Variants in GALNT13 observed in about 807,000 individuals in gnomAD.
GALNT13 encodes UDP-GalNAc:polypeptide N-acetylgalactosaminyltransferase 13.
A neutral mutation model predicts 64.2 loss-of-function variants in GALNT13; 28 were observed. That is an observed-to-expected ratio of 0.44 (90% CI 0.32 to 0.60). The LOEUF (loss-of-function observed/expected upper bound fraction) is 0.60, where lower values mean the gene tolerates loss of function less well. GALNT13 is among the 20% of genes least tolerant of loss of function. The probability of loss-of-function intolerance (pLI) is 0.05; values close to 1 mark genes in which losing one functional copy is unlikely to be tolerated. For synonymous variants in GALNT13, 214 were observed against 224.6 expected (o/e 0.95, Z 0.42); for missense variants, 577 against 669.8 (o/e 0.86, Z 1.53).
At chr2:153,235,805 A>G in the GALNT13 span, among the ~76,000 whole-genome samples, 10 of 152,252 alleles carry the variant, frequency 6.6e-5, no homozygotes, top group Non-Finnish European at 1.2e-4. Context: ...AACCAACCTC[A>G]TAAGTACTCA....
At chr2:153,953,082 C>T (rs1822768) in intron 3 of GALNT13, among the ~76,000 whole-genome samples, 117,429 of 151,954 alleles carry the variant, frequency 0.77, 45,785 homozygotes, top group East Asian at 0.96. Flanking sequence ...CTTTTGGCAA[C>T]ACACACACAC....
the GALNT13 span, among the ~76,000 whole-genome samples, chr2:153,598,999 C>T: frequency 6.6e-6 from 1 of 151,966 alleles, no homozygotes; most frequent in East Asian, 1.9e-4. Flanking sequence ...CTAAACATGT[C>T]TTTTTGAATA....
chr2:154,207,877 A>G (rs1252869306), intron 4 of GALNT13, among the ~76,000 whole-genome samples: 1 of 152,170 alleles, frequency 6.6e-6, no homozygotes, highest in Non-Finnish European at 1.5e-5. Flanking sequence ...CTCAGAGAGC[A>G]TAGTATTAGA....
intron 9 of GALNT13, among the ~76,000 whole-genome samples, chr2:154,326,458 GT>G (rs1302675325): frequency 6.6e-6 from 1 of 151,908 alleles, no homozygotes; most frequent in Non-Finnish European, 1.5e-5. Flanking sequence ...ACTTGTTGAT[GT>G]GAAATCCAAA....
intron 9 of GALNT13, among the ~76,000 whole-genome samples, chr2:154,391,566 G>A (rs886076438): frequency 2.0e-5 from 3 of 152,114 alleles, no homozygotes; most frequent in Admixed American, 6.6e-5. Flanking sequence ...AAGTGGGAGT[G>A]GTTTCCCAGA....
At chr2:153,221,613 C>T in the GALNT13 span, among the ~76,000 whole-genome samples, 3 of 152,212 alleles carry the variant, frequency 2.0e-5, no homozygotes, top group African/African-American at 7.2e-5. Context: ...TCTGCCCACT[C>T]AGCCAGGCAG....
chr2:153,100,610 C>CT, the GALNT13 span, among the ~76,000 whole-genome samples: 2 of 152,150 alleles, frequency 1.3e-5, no homozygotes, highest in African/African-American at 4.8e-5. Context: ...AGAGTCTCTT[C>CT]TTTGCTCACC....
At chr2:154,054,908 A>G (rs1051766101) in intron 3 of GALNT13, among the ~76,000 whole-genome samples, 1 of 152,028 alleles carries the variant, frequency 6.6e-6, no homozygotes, top group African/African-American at 2.4e-5. Context: ...GTTCTGTATG[A>G]TGTCAGTGGG....
chr2:154,191,727 C>G (rs886520570), intron 4 of GALNT13, among the ~76,000 whole-genome samples: 1 of 152,128 alleles, frequency 6.6e-6, no homozygotes, highest in Non-Finnish European at 1.5e-5. Context: ...CTCAAAACCC[C>G]TTGGGAGAGC....
At chr2:153,603,919 G>C in the GALNT13 span, among the ~76,000 whole-genome samples, 2 of 152,102 alleles carry the variant, frequency 1.3e-5, no homozygotes, top group Admixed American at 1.3e-4. Context: ...TATGTTTTCT[G>C]TGTGTATGTC....
chr2:154,189,781 A>G (rs1016717046), intron 4 of GALNT13, among the ~76,000 whole-genome samples: 1 of 152,104 alleles, frequency 6.6e-6, no homozygotes, highest in African/African-American at 2.4e-5. Context: ...ATCCACTCCT[A>G]CTATGGTGGA....
chr2:153,590,152 G>T, the GALNT13 span, among the ~76,000 whole-genome samples: 2 of 152,070 alleles, frequency 1.3e-5, no homozygotes, highest in Admixed American at 1.3e-4. Context: ...ATAAAAAGGA[G>T]GCATTACAAT....
chr2:154,138,406 G>A (rs1440147106), intron 3 of GALNT13, among the ~76,000 whole-genome samples: 1 of 151,566 alleles, frequency 6.6e-6, no homozygotes, highest in Non-Finnish European at 1.5e-5. Flanking sequence ...CTGTAAACAG[G>A]GAATTTCTTT....
chr2:153,072,028 A>G, the GALNT13 span, among the ~76,000 whole-genome samples: 1 of 152,196 alleles, frequency 6.6e-6, no homozygotes, highest in Non-Finnish European at 1.5e-5. Flanking sequence ...GAATAATTTA[A>G]AGCATTTTTA....
chr2:153,074,737 G>A, the GALNT13 span, among the ~76,000 whole-genome samples: 3 of 152,060 alleles, frequency 2.0e-5, no homozygotes, highest in Non-Finnish European at 4.4e-5. Flanking sequence ...TTATAATAGT[G>A]ATTATTGATT....
the GALNT13 span, among the ~76,000 whole-genome samples, chr2:153,396,518 A>G: frequency 6.6e-6 from 1 of 152,150 alleles, no homozygotes; most frequent in Non-Finnish European, 1.5e-5. Flanking sequence ...GTCTATAAAC[A>G]TATGTTACAG....
intron 9 of GALNT13, 47 bp downstream of exon 9, chr2:154,301,636 T>C (rs1693447243): frequency 8.4e-7 from 1 of 1,193,454 alleles, no homozygotes; most frequent in Admixed American, 1.9e-5. Context: ...AAAATAAAAT[T>C]GAAACATACT....
chr2:154,305,760 C>T (rs1429815720), intron 9 of GALNT13, among the ~76,000 whole-genome samples: 1 of 152,180 alleles, frequency 6.6e-6, no homozygotes, highest in Non-Finnish European at 1.5e-5. Flanking sequence ...ACTGTCTGGG[C>T]ATTCTTTCTC....
rs548036949 is a variant in GALNT13, at chr2:154,434,435, A to G, written c.1396-4157A>G. Among the ~76,000 whole-genome samples, 5 of 152,160 alleles carry G rather than the reference A, an allele frequency of 3.3e-5. No individual in the cohort carries two copies. The South Asian group carries it at 1.0e-3, about 32-fold the overall frequency. On this transcript the variant is annotated intron_variant, in intron 11 of 12. Transcript: ENST00000392825. ...CCACCACACCCTGCTAATTTTTTGT[A>G]TTTTTAGTAGAGACGGGGTTTCACC... is the stretch of plus-strand genomic sequence containing the variant.
Sources: gnomAD v4.1 joint callset for allele counts (sites outside exome capture counted in the v4.1 genomes callset) on GRCh38, gnomAD v4.1.1 for gene constraint, MANE v1.5 for transcripts, NCBI Gene and HGNC (gene_info 2026-07-23, HGNC 2026-07-21) for gene names.